FOXP1: variants seen among roughly 807,000 people sequenced by gnomAD.
FOXP1 encodes the protein forkhead box protein P1.
In FOXP1, 15 loss-of-function variants were observed where a neutral mutation model predicts 98.2. The observed-to-expected ratio is 0.15, with a 90% CI of 0.10 to 0.24. The LOEUF is 0.24. Ranked by LOEUF, FOXP1 falls within the 10% of genes least tolerant of loss-of-function variation. The probability of loss-of-function intolerance (pLI) is 1.00; values close to 1 mark genes in which losing one functional copy is unlikely to be tolerated. For synonymous variants in FOXP1, 371 were observed against 314.5 expected, an observed-to-expected ratio of 1.18 and a Z score of -1.90; for missense variants, 633 against 848.5, an observed-to-expected ratio of 0.75 and a Z score of 3.15.
At chr3:71,500,566 C>T (rs2041261552) in intron 2 of FOXP1, among the ~76,000 whole-genome samples, 1 of 152,202 alleles carries the variant, frequency 6.6e-6, no homozygotes, top group South Asian at 2.1e-4. Context: ...TAGTGCTCAC[C>T]TCTCTCCACC....
At chr3:71,486,231 G>A (rs924152558) in intron 3 of FOXP1, among the ~76,000 whole-genome samples, 2 of 151,992 alleles carry the variant, frequency 1.3e-5, no homozygotes, top group Non-Finnish European at 2.9e-5. Context: ...ACACAGAGAT[G>A]TTGTTAAGGT....
chr3:71,015,078 G>A (rs528682515), intron 12 of FOXP1, among the ~76,000 whole-genome samples: 3 of 151,622 alleles, frequency 2.0e-5, no homozygotes, highest in Non-Finnish European at 4.4e-5. Context: ...CATGGCACAT[G>A]TATACATATG....
Position 71,581,537 on chromosome 3 carries a change from G to T in FOXP1, c.-298+12C>A. ...GTCCCTGGACCCCGCGCCCGCGGCC[G>T]CCTCGACTTACCCGCGGAGTCCGGG... On this transcript the variant is annotated intron_variant, in intron 2 of 20. Transcript: ENST00000649528. The T allele has an allele frequency of 1.0e-6, 1 of 985,428 alleles. No homozygotes were observed. Among genetic ancestry groups the T allele is most frequent in the African/African-American group, 1.7e-5 (1 of 57,358 alleles). The allele number at this position is 985,428 out of a possible 1,614,324, so 61.0% of individuals were successfully genotyped here.
At chr3:71,112,443 T>C (rs1424540691) in intron 7 of FOXP1, 93 bp downstream of exon 7, 2 of 1,011,814 alleles carry the variant, frequency 2.0e-6, no homozygotes, top group East Asian at 2.4e-5. Context: ...TTTTCTTACA[T>C]GATTTGCAAT....
intron 2 of FOXP1, among the ~76,000 whole-genome samples, chr3:71,506,543 T>TC (rs1360092707): frequency 1.3e-5 from 2 of 152,148 alleles, no homozygotes; most frequent in African/African-American, 4.8e-5. Context: ...ACGGTATCCT[T>TC]CCCCCAGTAC....
At chr3:71,298,525 G>C in intron 5 of FOXP1, among the ~76,000 whole-genome samples, 1 of 152,118 alleles carries the variant, frequency 6.6e-6, no homozygotes, top group East Asian at 1.9e-4. Flanking sequence ...GCAAAGGGAA[G>C]TGTCTTGCTG....
At chr3:71,430,617 G>T (rs904352257) in intron 3 of FOXP1, among the ~76,000 whole-genome samples, 2 of 151,890 alleles carry the variant, frequency 1.3e-5, no homozygotes, top group Non-Finnish European at 1.5e-5. Context: ...AACCTGCTTT[G>T]ATTTAAAACA....
At chr3:70,992,930 G>A (rs755043758) in intron 13 of FOXP1, among the ~76,000 whole-genome samples, 11 of 152,132 alleles carry the variant, frequency 7.2e-5, no homozygotes, top group Non-Finnish European at 1.5e-4. Flanking sequence ...TCCCCGACGT[G>A]CTCAGGGCTT....
chr3:71,096,554 A>C (rs2056474022), intron 7 of FOXP1, among the ~76,000 whole-genome samples: 1 of 152,162 alleles, frequency 6.6e-6, no homozygotes, highest in Non-Finnish European at 1.5e-5. Flanking sequence ...CAAAATACAA[A>C]CAATGGAGGA....
chr3:71,219,093 T>G (rs182282332), intron 5 of FOXP1, among the ~76,000 whole-genome samples: 3 of 152,342 alleles, frequency 2.0e-5, no homozygotes, highest in East Asian at 3.9e-4. Flanking sequence ...TCCTTCTCTT[T>G]TATTTCCCAT....
chr3:71,554,454 T>C (rs2045983785), intron 2 of FOXP1, among the ~76,000 whole-genome samples: 1 of 152,208 alleles, frequency 6.6e-6, no homozygotes, highest in Admixed American at 6.5e-5. Flanking sequence ...GAATTCATAA[T>C]TATTTCAAAT....
At chr3:71,317,874 G>A (rs1258860967) in intron 4 of FOXP1, among the ~76,000 whole-genome samples, 1 of 152,134 alleles carries the variant, frequency 6.6e-6, no homozygotes, top group Non-Finnish European at 1.5e-5. Context: ...TCTGACATAA[G>A]AATATAAAAA....
At chr3:71,579,912 T>C (rs2048024972) in intron 2 of FOXP1, among the ~76,000 whole-genome samples, 1 of 152,102 alleles carries the variant, frequency 6.6e-6, no homozygotes, top group Non-Finnish European at 1.5e-5. Context: ...TCGGCATCCA[T>C]AAGGAACTCA....
At chr3:71,369,793 A>G (rs2079172231) in intron 3 of FOXP1, among the ~76,000 whole-genome samples, 3 of 152,162 alleles carry the variant, frequency 2.0e-5, no homozygotes, top group African/African-American at 4.8e-5. Context: ...ACTCAGAGGG[A>G]AAGCATCCAA....
At chr3:71,016,388 C>T (rs768554358) in intron 11 of FOXP1, among the ~76,000 whole-genome samples, 1 of 151,962 alleles carries the variant, frequency 6.6e-6, no homozygotes, top group African/African-American at 2.4e-5. Context: ...ATGTGGTGCT[C>T]GGGGAAGAGT....
At chr3:71,489,524 A>G (rs1432191979) in intron 3 of FOXP1, among the ~76,000 whole-genome samples, 1 of 152,216 alleles carries the variant, frequency 6.6e-6, no homozygotes, top group Non-Finnish European at 1.5e-5. Flanking sequence ...ACATTTATTA[A>G]TAACACTGTG....
intron 14 of FOXP1, among the ~76,000 whole-genome samples, chr3:70,979,316 A>AAAAAAAAGAAAAG (rs1553670621): frequency 1.0e-5 from 1 of 96,508 alleles, no homozygotes; most frequent in African/African-American, 4.3e-5. Context: ...AAAAAAAAAA[A>AAAAAAAAGAAAAG]AAAAGAAAAA....
chr3:71,116,656 C>T (rs897361646), intron 6 of FOXP1, among the ~76,000 whole-genome samples: 1 of 152,148 alleles, frequency 6.6e-6, no homozygotes, highest in Admixed American at 6.5e-5. Context: ...TAAAAATTGC[C>T]TTAGGTCTCA....
intron 4 of FOXP1, chr3:71,305,767 G>C (rs2074230217): frequency 6.6e-6 from 1 of 152,536 alleles, no homozygotes; most frequent in East Asian, 1.9e-4. Context: ...AGCTGACAAC[G>C]GCCCAGGAAC....
Sources: gnomAD v4.1 joint callset for allele counts (sites outside exome capture counted in the v4.1 genomes callset) on GRCh38, gnomAD v4.1.1 for gene constraint, MANE v1.5 for transcripts, NCBI Gene and HGNC (gene_info 2026-07-23, HGNC 2026-07-21) for gene names.